The following HSPG2 variants were observed in gnomAD, a reference collection of about 807,000 sequenced individuals.
HSPG2 encodes heparan sulfate proteoglycan 2.
HSPG2 carries 278 observed loss-of-function variants against 526.6 expected under a neutral mutation model. The observed-to-expected ratio is 0.53, with a 90% CI of 0.48 to 0.58. The LOEUF is 0.58. Ranked by LOEUF, HSPG2 falls within the 20% of genes least tolerant of loss-of-function variation. The pLI is 0.00. For synonymous variants in HSPG2, 2,465 were observed against 2,555.4 expected (o/e 0.96, Z 1.07); for missense variants, 5,354 against 6,099.5 (o/e 0.88, Z 4.07).
Position 21,876,007 on chromosome 1 carries a change from C to T in HSPG2, c.3039G>A (p.Val1013=). 1 of 1,614,132 alleles carries T rather than the reference C, an allele frequency of 6.2e-7. No individual in the cohort carries two copies. Among genetic ancestry groups the T allele is most frequent in the Non-Finnish European group, 8.5e-7 (1 of 1,180,006 alleles). Residue 1013 remains valine, a synonymous_variant, in exon 24 of 97, where the codon GTG becomes GTA. Coordinates refer to ENST00000374695, the MANE Select transcript of HSPG2 (RefSeq NM_005529.7). The part of the protein sequence containing the change: ...TSYGGELRFT[V]TQRSQPGSTP... ...TGGAGCCCGGCTGGGACCTCTGGGT[C>T]ACTGTGAAGCGCAGCTCTCCTCCAT...
At chr1:21,910,361 C>T (rs1167817907) in intron 1 of HSPG2, among the ~76,000 whole-genome samples, 1 of 152,232 alleles carries the variant, frequency 6.6e-6, no homozygotes, top group Admixed American at 6.5e-5. Flanking sequence ...CTGTAAGATT[C>T]AGCACAAAAT....
At chr1:21,889,788 G>C (rs1170913361) in intron 6 of HSPG2, 193 bp downstream of exon 6, 6 of 638,702 alleles carry the variant, frequency 9.4e-6, no homozygotes, top group East Asian at 8.2e-5. Flanking sequence ...GGGTCTAACG[G>C]GTATGTGCTA....
intron 40 of HSPG2, 50 bp downstream of exon 40, chr1:21,860,127 G>T: frequency 6.2e-7 from 1 of 1,610,158 alleles, no homozygotes; most frequent in South Asian, 1.1e-5. Flanking sequence ...AAATTCCCAG[G>T]GCTCCCTGCC....
chr1:21,863,790 T>C (rs1640013659), intron 37 of HSPG2, among the ~76,000 whole-genome samples: 1 of 152,112 alleles, frequency 6.6e-6, no homozygotes, highest in Non-Finnish European at 1.5e-5. Flanking sequence ...GTGGGTTGCT[T>C]GAGCTCAGGA....
rs779874674 is a variant in HSPG2, at chr1:21,824,794, A to G, written c.12590-15T>C. ...CCCAGGGGCATCTGTGGGAGAGAGG[A>G]GGGTGGTGCCATACCTGCTGCATCA... On this transcript the variant is annotated splice_polypyrimidine_tract_variant and intron_variant, in intron 91 of 96. Coordinates refer to ENST00000374695, the MANE Select transcript of HSPG2 (RefSeq NM_005529.7). This position sits in a 1 kb window ranked among gnomAD's most constrained non-coding sequence, Gnocchi z 5.9. 6.2e-7 allele frequency: 1 copy of G among 1,607,566 alleles called. No homozygotes were observed.
At chr1:21,908,011 G>T in intron 1 of HSPG2, 2 of 668,714 alleles carry the variant, frequency 3.0e-6, no homozygotes, top group Non-Finnish European at 5.5e-6. Flanking sequence ...GATGTAAAAT[G>T]CTACAGATAA....
At chr1:21,825,815 T>G (rs1351751413) in intron 91 of HSPG2, among the ~76,000 whole-genome samples, 2 of 152,230 alleles carry the variant, frequency 1.3e-5, no homozygotes, top group African/African-American at 2.4e-5. Flanking sequence ...AGATGGAGTC[T>G]CGCTCCGTGG....
chr1:21,915,345 C>G (rs1029435558), intron 1 of HSPG2, among the ~76,000 whole-genome samples: 1 of 152,226 alleles, frequency 6.6e-6, no homozygotes, highest in Non-Finnish European at 1.5e-5. Context: ...TTTCGGAGCC[C>G]GGACATGGAG....
At chr1:21,830,586 A>T (rs2152691596) in intron 85 of HSPG2, 1 of 285,386 alleles carries the variant, frequency 3.5e-6, no homozygotes, top group Admixed American at 5.0e-5. Flanking sequence ...GCTACTCAGG[A>T]GGCTGAGGCA....
In HSPG2 at chr1:21,824,048, C is replaced by G. The variant is rs1050276798; in HGVS notation, c.12899+73G>C. 1 of 1,374,842 alleles carries G rather than the reference C, an allele frequency of 7.3e-7. No individual in the cohort carries two copies. Among genetic ancestry groups the G allele is most frequent in the African/African-American group, 1.4e-5 (1 of 70,342 alleles). The allele number at this position is 1,374,842 out of a possible 1,614,324, so 85.2% of individuals were successfully genotyped here. On this transcript the variant is annotated intron_variant, in intron 95 of 96. Coordinates refer to ENST00000374695, the MANE Select transcript of HSPG2 (RefSeq NM_005529.7). This position sits in a 1 kb window ranked among gnomAD's most constrained non-coding sequence, Gnocchi z 5.9. The stretch of plus-strand genomic sequence containing the variant: ...ACAGAGCTCAATACCTGCCTCTCTG[C>G]CCATGGTAGGGGGCGTCCTGCCCCA...
chr1:21,847,233 C>G lies in HSPG2; in HGVS notation c.8164+121G>C, dbSNP rs560768682. The G allele has an allele frequency of 3.9e-5, 42 of 1,086,656 alleles. No homozygotes were observed. The highest frequency in any genetic ancestry group is 5.6e-5 in the Non-Finnish European group (40 of 717,864). 67.3% of individuals were successfully genotyped at this position (1,086,656 alleles called of 1,614,324 possible). A position where few individuals can be genotyped will look rare whatever the true frequency, so the allele number is the denominator to read the frequency against. On this transcript the variant is annotated intron_variant, in intron 62 of 96. Transcript: ENST00000374695. The surrounding 1 kb of genome is among the most constrained non-coding windows in gnomAD (Gnocchi z 4.1). ...GGGGTAGCCGTAGCCACTGAACCCACGCATCTTTCCGCTGGCCCTTGCCTG... is the reference window on the plus strand; with the variant it reads ...GGGGTAGCCGTAGCCACTGAACCCAGGCATCTTTCCGCTGGCCCTTGCCTG...
rs1329735113 is a variant in HSPG2, at chr1:21,839,287, T to A, written c.9889+84A>T. 2 of 1,528,762 alleles carry A rather than the reference T, an allele frequency of 1.3e-6. No homozygotes were observed. The highest frequency in any genetic ancestry group is 2.7e-5 in the African/African-American group (2 of 73,300). The allele number at this position is 1,528,762 out of a possible 1,614,324, so 94.7% of individuals were successfully genotyped here. On this transcript the variant is annotated intron_variant, in intron 73 of 96. Coordinates refer to ENST00000374695, the MANE Select transcript of HSPG2 (RefSeq NM_005529.7). The surrounding 1 kb of genome is among the most constrained non-coding windows in gnomAD (Gnocchi z 4.5). ...AGCGCCTGGAGACCTCTGGATGGGGTTCCTGGGGTTCTGTGTGGGGTGGAG... is the reference window on the plus strand; with the variant it reads ...AGCGCCTGGAGACCTCTGGATGGGGATCCTGGGGTTCTGTGTGGGGTGGAG...
chr1:21,895,941 G>T lies in HSPG2; in HGVS notation c.225C>A (p.Gly75=), dbSNP rs756957120. 8.1e-6 allele frequency: 13 copies of T among 1,614,076 alleles called. No individual in the cohort carries two copies. Among genetic ancestry groups the T allele is most frequent in the Non-Finnish European group, 1.1e-5 (13 of 1,179,956 alleles). ...SGDDLGSGDL[G]SGDFQMVYFR... ...ACTTACCCATCTGGAAGTCCCCGCT[G>T]CCCAGGTCCCCACTGCCCAGGTCGT... The change falls in exon 3 of 97, where the codon GGC becomes GGA. Residue 75 remains glycine (G), a synonymous_variant. Transcript: ENST00000374695. The surrounding 1 kb of genome is among the most constrained non-coding windows in gnomAD (Gnocchi z 4.1).
chr1:21,881,255 C>A lies in HSPG2; in HGVS notation c.1818+84G>T, dbSNP rs1305398607. 4.6e-6 allele frequency: 7 copies of A among 1,512,224 alleles called. No individual in the cohort carries two copies. The East Asian group carries it at 1.6e-4, about 34-fold the overall frequency. 93.7% of individuals were successfully genotyped at this position (1,512,224 alleles called of 1,614,324 possible). A position where few individuals can be genotyped will look rare whatever the true frequency, so the allele number is the denominator to read the frequency against. ...CATGGTAACACCTTTCCCTCCAAGT[C>A]TGCCTTGTTGTCCACCAACTGCAGA... On this transcript the variant is annotated intron_variant, in intron 14 of 96. Transcript: ENST00000374695.
rs576448772 is a variant in HSPG2, at chr1:21,839,146, C to T, written c.9890-61G>A. On this transcript the variant is annotated intron_variant, in intron 73 of 96. Transcript: ENST00000374695. The surrounding 1 kb of genome is among the most constrained non-coding windows in gnomAD (Gnocchi z 4.5). ...GGCAAAGGTCAGAATGGCAGCAGGTCGTTGGATCCAGTGTCCAGGGAAGCT... is the reference window on the plus strand; with the variant it reads ...GGCAAAGGTCAGAATGGCAGCAGGTTGTTGGATCCAGTGTCCAGGGAAGCT... 3.7e-5 allele frequency: 57 copies of T among 1,542,138 alleles called. 2 individuals carry two copies. In the South Asian group the frequency reaches 5.6e-4, roughly 15 times the overall value.
rs1020457111 is a variant in HSPG2, at chr1:21,864,707, G to A, written c.4626+136C>T. 2.6e-6 allele frequency: 2 copies of A among 754,764 alleles called. No individual in the cohort carries two copies. 46.8% of individuals were successfully genotyped at this position (754,764 alleles called of 1,614,324 possible). ...AATGATATGTAACTCAGGGCTGTCG[G>A]GAGGAATACATGCAGGGCCCAGATG... On this transcript the variant is annotated intron_variant, in intron 36 of 96. Transcript: ENST00000374695. The surrounding 1 kb of genome is among the most constrained non-coding windows in gnomAD (Gnocchi z 4.8).
rs1182786004 is a variant in HSPG2 at position 21,937,125 on chromosome 1, G to GC, written c.63+29dup. On this transcript the variant is annotated intron_variant, in intron 1 of 96. Transcript: ENST00000374695. ...GGGCGCCCCTAGCCCCTCCGCCCCC[G>GC]CCCCCCGCCCCTCTGCCCCGCACAC... 1.9e-4 allele frequency: 9 copies of GC among 46,612 alleles called. No individual in the cohort carries two copies. In the Admixed American group the frequency reaches 2.7e-3, roughly 14 times the overall value. The allele number at this position is 46,612 out of a possible 1,614,324, so 2.9% of individuals were successfully genotyped here.
rs1572278922 is a variant in HSPG2 at position 21,865,275 on chromosome 1, T to G, written c.4395+10A>C. ...TGGGGTTAGACACAGCATGGCCAGG[T>G]GCCCCTTACCTCTCGGAACATGATC... On this transcript the variant is annotated intron_variant, in intron 35 of 96. Transcript: ENST00000374695. The surrounding 1 kb of genome is among the most constrained non-coding windows in gnomAD (Gnocchi z 5.4). The G allele has an allele frequency of 6.2e-7, 1 of 1,613,384 alleles. No homozygotes were observed. Among genetic ancestry groups the G allele is most frequent in the South Asian group, 1.1e-5 (1 of 91,064 alleles).
At chr1:21,925,372 C>T (rs1344476215) in intron 1 of HSPG2, among the ~76,000 whole-genome samples, 1 of 152,182 alleles carries the variant, frequency 6.6e-6, no homozygotes, top group African/African-American at 2.4e-5. Flanking sequence ...GCAGCTGAGC[C>T]ATGTGCTTCT....
Sources: allele counts gnomAD v4.1 joint callset (sites outside exome capture counted in the v4.1 genomes callset), GRCh38; gene constraint gnomAD v4.1.1; non-coding constraint Gnocchi (gnomAD v3.1); transcripts MANE v1.5; gene names NCBI Gene and HGNC (gene_info 2026-07-23, HGNC 2026-07-21).